The following TRIM44 variants were observed in gnomAD, a reference collection of about 807,000 sequenced individuals.
The protein encoded by TRIM44 is tripartite motif-containing protein 44.
A neutral mutation model predicts 37.4 loss-of-function variants in TRIM44; 13 were observed. That is an observed-to-expected ratio of 0.35 (90% CI 0.23 to 0.55). TRIM44 has a LOEUF of 0.55. Ranked by LOEUF, TRIM44 falls within the 20% of genes least tolerant of loss-of-function variation. TRIM44 has a pLI of 0.89. For synonymous variants in TRIM44, 175 were observed against 157.2 expected (o/e 1.11, Z -0.85); for missense variants, 426 against 437.2 (o/e 0.97, Z 0.23).
intron 4 of TRIM44, among the ~76,000 whole-genome samples, chr11:35,776,435 G>A (rs916316211): frequency 2.6e-5 from 4 of 152,074 alleles, no homozygotes; most frequent in African/African-American, 9.7e-5. Context: ...TTTTTTTGAA[G>A]GGTTTTTTGT....
At chr11:35,686,379 T>G (rs886163428) in intron 2 of TRIM44, among the ~76,000 whole-genome samples, 11 of 151,564 alleles carry the variant, frequency 7.3e-5, no homozygotes, top group Non-Finnish European at 1.2e-4. Flanking sequence ...TTTTTGTTTT[T>G]TTTTTTTTTA....
rs777425998 is a variant in TRIM44 at position 35,811,028 on chromosome 11, TC to T, written c.*4644del. On this transcript the variant is annotated 3_prime_UTR_variant, in exon 5 of 5. Transcript: ENST00000299413. ...CTTGGTGCCCCTGTGCATTTGGAAA[TC>T]AATAAACTATTACTGGAAATGCCAT... is the stretch of plus-strand genomic sequence containing the variant. 7.9e-5 allele frequency: 12 copies of T among 152,298 alleles called. No individual in the cohort carries two copies. Among genetic ancestry groups the T allele is most frequent in the Non-Finnish European group, 1.8e-4 (12 of 68,016 alleles). The allele number at this position is 152,298 out of a possible 1,614,324, so 9.4% of individuals were successfully genotyped here.
chr11:35,792,106 CACACACTCT>C (rs1853222514), intron 4 of TRIM44, among the ~76,000 whole-genome samples: 1 of 103,472 alleles, frequency 9.7e-6, no homozygotes, highest in Non-Finnish European at 2.3e-5. Context: ...CACACACACA[CACACACTCT>C]CTCTCATCAT....
At chr11:35,777,663 T>C (rs1348806158) in intron 4 of TRIM44, among the ~76,000 whole-genome samples, 1 of 152,206 alleles carries the variant, frequency 6.6e-6, no homozygotes, top group Non-Finnish European at 1.5e-5. Flanking sequence ...GGTGACAAAA[T>C]CTCTCAGCAT....
rs543148781 is a variant in TRIM44, at chr11:35,778,449, C to T, written c.1008-27909C>T. On this transcript the variant is annotated intron_variant, in intron 4 of 4. Coordinates refer to ENST00000299413, the MANE Select transcript of TRIM44 (RefSeq NM_017583.6). ...TTTGTTATTACCAATCGTCTGAAGC[C>T]TTCTTCTCTCAAGTCGTCAAAGTCA... Among the ~76,000 whole-genome samples, 4 of 152,326 alleles carry T rather than the reference C, an allele frequency of 2.6e-5. No homozygotes were observed. The East Asian group carries it at 7.7e-4, about 29-fold the overall frequency.
intron 2 of TRIM44, among the ~76,000 whole-genome samples, chr11:35,715,874 C>G (rs1852034386): frequency 6.6e-6 from 1 of 152,016 alleles, no homozygotes; most frequent in African/African-American, 2.4e-5. Context: ...GGAAGTGCTA[C>G]CCATTTTTAA....
intron 4 of TRIM44, among the ~76,000 whole-genome samples, chr11:35,749,838 A>G (rs1320229707): frequency 6.6e-6 from 1 of 152,262 alleles, no homozygotes; most frequent in Non-Finnish European, 1.5e-5. Flanking sequence ...TGACACAGTA[A>G]TTATGCTGGA....
At chr11:35,678,286 G>A (rs1215465170) in intron 1 of TRIM44, among the ~76,000 whole-genome samples, 1 of 152,130 alleles carries the variant, frequency 6.6e-6, no homozygotes, top group Non-Finnish European at 1.5e-5. Flanking sequence ...GCTTGTACCA[G>A]GTTGGGAATA....
At chr11:35,681,160 G>A (rs1362261487) in intron 1 of TRIM44, among the ~76,000 whole-genome samples, 1 of 152,086 alleles carries the variant, frequency 6.6e-6, no homozygotes, top group African/African-American at 2.4e-5. Context: ...CTACCTTTTA[G>A]TTATTGTATT....
intron 2 of TRIM44, among the ~76,000 whole-genome samples, chr11:35,688,233 T>C (rs776188463): frequency 6.6e-6 from 1 of 152,218 alleles, no homozygotes; most frequent in Non-Finnish European, 1.5e-5. Flanking sequence ...CATGGAGGAC[T>C]GAGCACTATC....
rs115339550 is a variant in TRIM44, at chr11:35,727,357, G to A, written c.987+1194G>A. Among the ~76,000 whole-genome samples the A allele has an allele frequency of 7.7e-3, 1,175 of 152,222 alleles. 21 individuals are homozygous for A. Among genetic ancestry groups the A allele is most frequent in the African/African-American group, 0.027 (1,106 of 41,536 alleles). The stretch of plus-strand genomic sequence containing the variant: ...TCAGCAAGTCCATCCTTAACTGGAC[G>A]TCCTGCCTTGGCTTGAGAGAGCCTG... On this transcript the variant is annotated intron_variant, in intron 3 of 4. Coordinates refer to ENST00000299413, the MANE Select transcript of TRIM44 (RefSeq NM_017583.6).
In TRIM44 at chr11:35,663,530, A is replaced by G; in HGVS notation, c.419A>G (p.Glu140Gly). 1 of 1,608,454 alleles carries G rather than the reference A, an allele frequency of 6.2e-7. No individual in the cohort carries two copies. Among genetic ancestry groups the G allele is most frequent in the Non-Finnish European group, 8.5e-7 (1 of 1,177,004 alleles). ...GAAATGGAGGATGAGCAAGAAAGCG[A>G]GGCCGAAGAAGACAACCAAGAAGAA... is the stretch of plus-strand genomic sequence containing the variant. ...EEEMEDEQES[E>G]AEEDNQEEGE... The change falls in exon 1 of 5, where the codon GAG becomes GGG. Residue 140 changes from glutamate (E) to glycine (G), a missense_variant. Around this residue, in one of 2 missense-constraint regions of TRIM44, gnomAD observed 331 missense variants for 303.0 expected, o/e 1.09. Coordinates refer to ENST00000299413, the MANE Select transcript of TRIM44 (RefSeq NM_017583.6).
intron 1 of TRIM44, among the ~76,000 whole-genome samples, chr11:35,678,445 T>C (rs1564944752): frequency 6.6e-6 from 1 of 151,726 alleles, no homozygotes; most frequent in Non-Finnish European, 1.5e-5. Context: ...AGTGTAGGAG[T>C]GGGTTTGGAG....
intron 4 of TRIM44, among the ~76,000 whole-genome samples, chr11:35,742,185 CT>C (rs1460414862): frequency 6.6e-6 from 1 of 151,790 alleles, no homozygotes; most frequent in Non-Finnish European, 1.5e-5. Flanking sequence ...TCAAGTGATC[CT>C]CCTGCTTCGG....
intron 1 of TRIM44, among the ~76,000 whole-genome samples, chr11:35,676,524 G>A (rs1405205805): frequency 6.6e-6 from 1 of 152,174 alleles, no homozygotes; most frequent in Non-Finnish European, 1.5e-5. Context: ...ACAGCTGGTA[G>A]GTCTAATTTT....
At chr11:35,678,965 G>C (rs1239559391) in intron 1 of TRIM44, among the ~76,000 whole-genome samples, 2 of 151,530 alleles carry the variant, frequency 1.3e-5, no homozygotes, top group African/African-American at 4.8e-5. Context: ...AGACCTTCTG[G>C]TAAAATGACT....
chr11:35,742,581 ATATTAATTG>A (rs1452228017), intron 4 of TRIM44, among the ~76,000 whole-genome samples: 1 of 132,664 alleles, frequency 7.5e-6, no homozygotes, highest in Non-Finnish European at 1.5e-5. Context: ...TATATTAATT[ATATTAATTG>A]TATTATATAT....
rs1378620863 is a variant in TRIM44 at position 35,749,060 on chromosome 11, C to A, written c.1007+13615C>A. 2.0e-5 allele frequency among the ~76,000 whole-genome samples: 3 copies of A among 152,058 alleles called. No individual in the cohort carries two copies. In the East Asian group the frequency reaches 5.8e-4, roughly 29 times the overall value. On this transcript the variant is annotated intron_variant, in intron 4 of 4. Transcript: ENST00000299413. ...TGTATGTTAGAGAGAGAGAGAGAGA[C>A]AGAAACAGATATTTTACTTTGAAAC...
At chr11:35,763,926 C>G (rs1852760118) in intron 4 of TRIM44, among the ~76,000 whole-genome samples, 1 of 152,176 alleles carries the variant, frequency 6.6e-6, no homozygotes, top group Non-Finnish European at 1.5e-5. Flanking sequence ...TCTTTGGTAT[C>G]TTGGCATCTT....
Sources: gnomAD v4.1 joint callset for allele counts (sites outside exome capture counted in the v4.1 genomes callset) on GRCh38, gnomAD v4.1.1 for gene constraint, gnomAD v4.1.1 regional missense constraint, MANE v1.5 for transcripts, NCBI Gene and HGNC (gene_info 2026-07-23, HGNC 2026-07-21) for gene names.